The following RAD51B variants were observed in gnomAD, a reference collection of about 807,000 sequenced individuals.
The protein encoded by RAD51B is RAD51 paralog B.
In RAD51B, 38 loss-of-function variants were observed where a neutral mutation model predicts 42.2. The observed-to-expected ratio is 0.90, with a 90% CI of 0.70 to 1.18. The LOEUF (loss-of-function observed/expected upper bound fraction) is 1.18. RAD51B is among the 50% of genes most tolerant of loss of function. The pLI is 0.00. For missense variants in RAD51B, 373 were observed against 400.7 expected (o/e 0.93, Z 0.59); for synonymous variants, 154 against 145.2 (o/e 1.06, Z -0.43).
intron 8 of RAD51B, among the ~76,000 whole-genome samples, chr14:68,397,298 G>C (rs932796242): frequency 6.6e-6 from 1 of 152,186 alleles, no homozygotes; most frequent in Non-Finnish European, 1.5e-5. Context: ...GTTTGCTTAA[G>C]AATTCATATT....
chr14:68,624,973 T>A (rs1188003585), intron 10 of RAD51B, among the ~76,000 whole-genome samples: 3 of 152,036 alleles, frequency 2.0e-5, no homozygotes, highest in Non-Finnish European at 4.4e-5. Flanking sequence ...TCTTATGAAA[T>A]CCTCAGACAA....
At chr14:68,473,765 C>A (rs1882304826) in intron 10 of RAD51B, among the ~76,000 whole-genome samples, 1 of 151,976 alleles carries the variant, frequency 6.6e-6, no homozygotes, top group South Asian at 2.1e-4. Context: ...CTCCTTTGTA[C>A]CTATTCCTGG....
intron 9 of RAD51B, among the ~76,000 whole-genome samples, chr14:68,462,869 G>C (rs182825675): frequency 6.6e-6 from 1 of 151,646 alleles, no homozygotes; most frequent in Admixed American, 6.6e-5. Flanking sequence ...ACCACAAGGA[G>C]CCCCAGGCTT....
At chr14:68,128,627 G>T (rs967868135) in intron 7 of RAD51B, among the ~76,000 whole-genome samples, 3 of 152,176 alleles carry the variant, frequency 2.0e-5, no homozygotes, top group African/African-American at 7.2e-5. Flanking sequence ...GGGAGGCAGA[G>T]GTTGCAGTGA....
chr14:68,581,474 A>C (rs1890205497), intron 10 of RAD51B, among the ~76,000 whole-genome samples: 1 of 152,064 alleles, frequency 6.6e-6, no homozygotes, highest in Admixed American at 6.6e-5. Flanking sequence ...ATTTATCTGG[A>C]TGTAATCTCA....
chr14:67,986,829 T>C (rs2075202643), intron 7 of RAD51B, among the ~76,000 whole-genome samples: 1 of 152,154 alleles, frequency 6.6e-6, no homozygotes, highest in Middle Eastern at 3.2e-3. Context: ...CTTCCCAGGT[T>C]CAAGTGATTC....
intron 7 of RAD51B, among the ~76,000 whole-genome samples, chr14:68,076,926 C>T (rs1356155877): frequency 1.3e-5 from 2 of 152,180 alleles, no homozygotes; most frequent in African/African-American, 2.4e-5. Flanking sequence ...CTGAGCCTTT[C>T]TTTTAATGCT....
intron 7 of RAD51B, chr14:68,124,859 G>A (rs950612562): frequency 4.0e-5 from 6 of 151,776 alleles, no homozygotes; most frequent in Admixed American, 2.0e-4. Flanking sequence ...TGAGGCAGGA[G>A]AATCACTTGA....
chr14:68,120,411 T>G (rs1392444372), intron 7 of RAD51B, among the ~76,000 whole-genome samples: 8 of 152,214 alleles, frequency 5.3e-5, no homozygotes, highest in Non-Finnish European at 1.2e-4. Context: ...TGGTTTAAGT[T>G]TCTAGCCCTA....
intron 7 of RAD51B, among the ~76,000 whole-genome samples, chr14:68,215,966 T>C (rs1334217934): frequency 6.6e-6 from 1 of 152,196 alleles, no homozygotes; most frequent in Non-Finnish European, 1.5e-5. Flanking sequence ...CACCAGTAAA[T>C]GCAGGTGGTT....
intron 10 of RAD51B, among the ~76,000 whole-genome samples, chr14:68,609,239 G>T (rs937241824): frequency 6.6e-6 from 1 of 152,182 alleles, no homozygotes; most frequent in Non-Finnish European, 1.5e-5. Flanking sequence ...ACCTTCGGCT[G>T]CCAGGCCCCA....
At chr14:68,316,668 A>G (rs2082069720) in intron 8 of RAD51B, among the ~76,000 whole-genome samples, 1 of 152,154 alleles carries the variant, frequency 6.6e-6, no homozygotes, top group South Asian at 2.1e-4. Context: ...GGCTGTTTAC[A>G]TTTGGTGACC....
At chr14:68,659,599 G>A (rs1892892469) in intron 11 of RAD51B, among the ~76,000 whole-genome samples, 1 of 152,194 alleles carries the variant, frequency 6.6e-6, no homozygotes, top group Non-Finnish European at 1.5e-5. Flanking sequence ...GCAACCTCAG[G>A]ACACTGCACC....
intron 9 of RAD51B, among the ~76,000 whole-genome samples, chr14:68,463,470 T>C (rs557061721): frequency 4.6e-5 from 7 of 152,092 alleles, no homozygotes; most frequent in Non-Finnish European, 5.9e-5. Flanking sequence ...GTGAAAGCAA[T>C]ATACATCTTA....
At chr14:67,877,477 A>C (rs554094243) in intron 5 of RAD51B, among the ~76,000 whole-genome samples, 12 of 152,110 alleles carry the variant, frequency 7.9e-5, no homozygotes, top group Admixed American at 1.3e-4. Context: ...TGCCTGTTTG[A>C]CATTTGGGCT....
At chr14:68,257,650 A>G (rs1369137765) in intron 7 of RAD51B, among the ~76,000 whole-genome samples, 1 of 152,186 alleles carries the variant, frequency 6.6e-6, no homozygotes, top group Non-Finnish European at 1.5e-5. Flanking sequence ...GAGTGAAAAG[A>G]GTTTTTGCTA....
rs73280303 is a variant in RAD51B, at chr14:68,496,147, C to A, written c.1036+27897C>A. The stretch of plus-strand genomic sequence containing the variant: ...TCCATCCCTCTTTGGAATTACTTAA[C>A]CTTTTTGAACCTCAGTGTATTCATC... On this transcript the variant is annotated intron_variant, in intron 10 of 10. Transcript: ENST00000487270. 5.2e-3 allele frequency among the ~76,000 whole-genome samples: 794 copies of A among 152,312 alleles called. 12 individuals are homozygous for A. The highest frequency in any genetic ancestry group is 0.018 in the African/African-American group (764 of 41,564).
intron 7 of RAD51B, among the ~76,000 whole-genome samples, chr14:68,119,602 A>T (rs1380654053): frequency 6.7e-6 from 1 of 148,386 alleles, no homozygotes; most frequent in East Asian, 2.0e-4. Context: ...GTTTACTGAG[A>T]ATGATGATTT....
chr14:67,848,408 A>G (rs2041694953), intron 4 of RAD51B, among the ~76,000 whole-genome samples: 1 of 151,924 alleles, frequency 6.6e-6, no homozygotes, highest in Admixed American at 6.6e-5. Context: ...AAGAATAGTG[A>G]CTTCTGCTTG....
Sources: allele counts gnomAD v4.1 joint callset (sites outside exome capture counted in the v4.1 genomes callset), GRCh38; gene constraint gnomAD v4.1.1; transcripts MANE v1.5; gene names NCBI Gene and HGNC (gene_info 2026-07-23, HGNC 2026-07-21).